GOLGB1: variants seen among roughly 807,000 people sequenced by gnomAD.
GOLGB1 encodes golgin subfamily B member 1.
GOLGB1 carries 174 observed loss-of-function variants against 336.9 expected under a neutral mutation model. The ratio of observed to expected loss-of-function variants is 0.52; its 90% confidence interval spans 0.46 to 0.59. The LOEUF is 0.59. Among genes scored for constraint, GOLGB1 ranks in the 20% least tolerant of loss-of-function variants. GOLGB1 has a pLI of 0.00. For synonymous variants in GOLGB1, 1,208 were observed against 1,289.2 expected (o/e 0.94, Z 1.35); for missense variants, 3,331 against 3,645.3 (o/e 0.91, Z 2.22).
At chr3:121,733,345 A>T in intron 1 of GOLGB1, among the ~76,000 whole-genome samples, 1 of 151,978 alleles carries the variant, frequency 6.6e-6, no homozygotes, top group Non-Finnish European at 1.5e-5. Flanking sequence ...AACAAGAGGA[A>T]TTTGAAACCA....
At position 121,698,295 on chromosome 3, in the gene GOLGB1, G is replaced by A. The variant is rs751473758; in HGVS notation, c.2228C>T (p.Ala743Val). The A allele has an allele frequency of 5.6e-6, 9 of 1,612,652 alleles. No homozygotes were observed. The highest frequency in any genetic ancestry group is 7.6e-6 in the Non-Finnish European group (9 of 1,178,700). Residue 743 changes from alanine (A) to valine (V), a missense_variant, in exon 13 of 22, where the codon GCA becomes GTA. Coordinates refer to ENST00000614479, the MANE Select transcript of GOLGB1 (RefSeq NM_001366282.2). The part of the protein sequence containing the change: ...FKKNADNNSS[A>V]FTALSEERDQ... ...TCTTTCTTCAGACAAAGCAGTGAAT[G>A]CACTGCTGTTGTTGTCAGCATTTTT...
At chr3:121,679,526 T>C (rs1045320926) in intron 15 of GOLGB1, among the ~76,000 whole-genome samples, 4 of 152,162 alleles carry the variant, frequency 2.6e-5, no homozygotes, top group Non-Finnish European at 5.9e-5. Context: ...TTACTCAGTC[T>C]TGCCAAAGGA....
chr3:121,725,890 C>T (rs555858330), intron 5 of GOLGB1, among the ~76,000 whole-genome samples: 20 of 152,078 alleles, frequency 1.3e-4, no homozygotes, highest in Admixed American at 2.6e-4. Context: ...CGCTGCCTTG[C>T]GACACCACTG....
At chr3:121,705,823 G>A (rs1448400628) in intron 10 of GOLGB1, among the ~76,000 whole-genome samples, 1 of 152,186 alleles carries the variant, frequency 6.6e-6, no homozygotes, top group African/African-American at 2.4e-5. Flanking sequence ...ACCCGGAAGT[G>A]TCAGTTATAT....
chr3:121,684,097 C>T (rs1157271907), intron 14 of GOLGB1, among the ~76,000 whole-genome samples: 1 of 126,806 alleles, frequency 7.9e-6, no homozygotes, highest in Non-Finnish European at 1.6e-5. Context: ...CATTGCACTC[C>T]AGCCTGGATG....
rs187467690 is a variant in GOLGB1 at position 121,677,476 on chromosome 3, G to A, written c.8874-26C>T. 24 of 1,546,890 alleles carry A rather than the reference G, an allele frequency of 1.6e-5. No individual in the cohort carries two copies. The Admixed American group carries it at 2.0e-4, about 13-fold the overall frequency. ...CTAGAAAAAACATGACACAATCACAGGTAAAAATATACTTGTAACTGGGCA... is the reference window on the plus strand; with the variant it reads ...CTAGAAAAAACATGACACAATCACAAGTAAAAATATACTTGTAACTGGGCA... On this transcript the variant is annotated intron_variant, in intron 15 of 21. Transcript: ENST00000614479.
rs1178669063 is a variant in GOLGB1, at chr3:121,718,445, A to G, written c.828T>C (p.Arg276=). 6.2e-7 allele frequency: 1 copy of G among 1,614,068 alleles called. No homozygotes were observed. The highest frequency in any genetic ancestry group is 1.7e-5 in the Admixed American group (1 of 60,028). Residue 276 remains arginine (R), a synonymous_variant, in exon 8 of 22, where the codon CGT becomes CGC. Transcript: ENST00000614479. ...LEEHEESLVG[R]AQVVDLLQQE... is the part of the protein sequence containing the mutation. ...GTTGCAGCAAGTCAACGACCTGAGC[A>G]CGGCCCACCAAGGATTCTTCGTGTT...
At chr3:121,715,498 C>T (rs772671656) in intron 9 of GOLGB1, among the ~76,000 whole-genome samples, 1 of 150,866 alleles carries the variant, frequency 6.6e-6, no homozygotes, top group African/African-American at 2.4e-5. Context: ...GAATAGCAGG[C>T]GTGGGGAGGC....
At chr3:121,677,695 T>C (rs1448563218) in intron 15 of GOLGB1, among the ~76,000 whole-genome samples, 1 of 152,160 alleles carries the variant, frequency 6.6e-6, no homozygotes, top group Non-Finnish European at 1.5e-5. Context: ...AAAATAAATA[T>C]CCTTTTAGAT....
chr3:121,733,260 T>A (rs1325129025), intron 1 of GOLGB1, among the ~76,000 whole-genome samples: 1 of 144,484 alleles, frequency 6.9e-6, no homozygotes, highest in African/African-American at 2.6e-5. Context: ...GAGGTGGAGC[T>A]TGCAGTGAGC....
At chr3:121,742,982 T>C (rs994963776) in intron 1 of GOLGB1, among the ~76,000 whole-genome samples, 4 of 151,920 alleles carry the variant, frequency 2.6e-5, no homozygotes, top group African/African-American at 9.7e-5. Flanking sequence ...GCTGGAGAGG[T>C]TGTGGAAAAA....
intron 10 of GOLGB1, among the ~76,000 whole-genome samples, chr3:121,714,352 C>T (rs1334792354): frequency 1.3e-5 from 2 of 152,158 alleles, no homozygotes; most frequent in African/African-American, 4.8e-5. Flanking sequence ...TAGCTCTCTA[C>T]AGAGATTTTT....
intron 1 of GOLGB1, among the ~76,000 whole-genome samples, chr3:121,734,116 G>A (rs760288365): frequency 2.6e-5 from 4 of 152,222 alleles, no homozygotes; most frequent in Non-Finnish European, 4.4e-5. Context: ...GAAGCCAGGC[G>A]TGGTGGCTCA....
intron 2 of GOLGB1, 65 bp downstream of exon 2, chr3:121,730,811 T>C (rs1342242917): frequency 2.0e-6 from 3 of 1,510,604 alleles, no homozygotes; most frequent in East Asian, 4.9e-5. Context: ...CTATCTTAAA[T>C]TATTTTCCTT....
intron 10 of GOLGB1, among the ~76,000 whole-genome samples, chr3:121,709,745 C>T (rs894844007): frequency 6.6e-6 from 1 of 151,890 alleles, no homozygotes; most frequent in African/African-American, 2.4e-5. Flanking sequence ...CAAAGTTTCA[C>T]CTTAAGAAGC....
chr3:121,722,184 G>T (rs1945243585), intron 6 of GOLGB1, 78 bp downstream of exon 6: 1 of 780,680 alleles, frequency 1.3e-6, no homozygotes, highest in Non-Finnish European at 2.2e-6. Context: ...ATTTTTTAAA[G>T]TGACTCACTG....
rs1283724158 is a variant in GOLGB1, at chr3:121,697,741, A to T, written c.2782T>A (p.Ser928Thr). The T allele has an allele frequency of 6.2e-7, 1 of 1,613,944 alleles. No homozygotes were observed. Among genetic ancestry groups the T allele is most frequent in the African/African-American group, 1.3e-5 (1 of 74,924 alleles). The change falls in exon 13 of 22, where the codon TCT becomes ACT. Residue 928 changes from serine (S) to threonine (T), a missense_variant. Physicochemically the swap from Ser to Thr is moderately conservative, Grantham distance 58. Coordinates refer to ENST00000614479, the MANE Select transcript of GOLGB1 (RefSeq NM_001366282.2). Reference protein sequence around the residue: ...KMVQLNEEKFSLGVEIKTLKE... With the variant: ...KMVQLNEEKFTLGVEIKTLKE... ...AGAGTCTTAATTTCAACCCCAAGAG[A>T]AAACTTCTCTTCATTAAGCTGAACC... is the stretch of plus-strand genomic sequence containing the variant.
chr3:121,736,641 G>A (rs544080367), intron 1 of GOLGB1, among the ~76,000 whole-genome samples: 11 of 152,298 alleles, frequency 7.2e-5, no homozygotes, highest in African/African-American at 2.2e-4. Context: ...AGTGTCTCAC[G>A]CCTGTAATCC....
rs1413825509 is a variant in GOLGB1 at position 121,663,290 on chromosome 3, A to G, written c.*1190T>C. Reference sequence around the variant, plus strand: ...AAGATTTAATCACCACAGTAGATTTAGAGCAGATCAGTCAGCCCACTTGTC... The same window carrying G: ...AAGATTTAATCACCACAGTAGATTTGGAGCAGATCAGTCAGCCCACTTGTC... On this transcript the variant is annotated 3_prime_UTR_variant, in exon 22 of 22. Transcript: ENST00000614479. The G allele has an allele frequency of 1.3e-5, 2 of 152,234 alleles. No individual in the cohort carries two copies. Among genetic ancestry groups the G allele is most frequent in the Non-Finnish European group, 1.5e-5 (1 of 68,050 alleles). 9.4% of individuals were successfully genotyped at this position (152,234 alleles called of 1,614,324 possible). A position where few individuals can be genotyped will look rare whatever the true frequency, so the allele number is the denominator to read the frequency against.
Sources: allele counts gnomAD v4.1 joint callset (sites outside exome capture counted in the v4.1 genomes callset), GRCh38; gene constraint gnomAD v4.1.1; transcripts MANE v1.5; gene names NCBI Gene and HGNC (gene_info 2026-07-23, HGNC 2026-07-21).